The following CNOT4 variants were observed in gnomAD, a reference collection of about 807,000 sequenced individuals.
CNOT4 encodes CCR4-NOT transcription complex subunit 4.
Under a neutral mutation model 73.8 loss-of-function variants are expected in CNOT4, and 8 were observed. The ratio of observed to expected loss-of-function variants is 0.11; its 90% confidence interval spans 0.06 to 0.20. CNOT4 has a LOEUF of 0.20. Among genes scored for constraint, CNOT4 ranks in the 10% least tolerant of loss-of-function variants. The pLI is 1.00. For missense variants in CNOT4, 564 were observed against 883.4 expected (o/e 0.64, Z 4.58); for synonymous variants, 293 against 321.1 (o/e 0.91, Z 0.94).
At chr7:135,417,263 C>T (rs1191926813) in intron 3 of CNOT4, among the ~76,000 whole-genome samples, 1 of 152,098 alleles carries the variant, frequency 6.6e-6, no homozygotes, top group Admixed American at 6.6e-5. Context: ...AAGAGTTTGC[C>T]TAATAAGCTC....
intron 1 of CNOT4, among the ~76,000 whole-genome samples, chr7:135,474,712 T>C (rs1801885299): frequency 6.6e-6 from 1 of 152,172 alleles, no homozygotes; most frequent in South Asian, 2.1e-4. Context: ...CTATACAAAA[T>C]AACTGAAAAT....
At chr7:135,435,844 G>A (rs1289562823) in intron 2 of CNOT4, among the ~76,000 whole-genome samples, 1 of 152,150 alleles carries the variant, frequency 6.6e-6, no homozygotes, top group African/African-American at 2.4e-5. Flanking sequence ...CCTCCAGAAT[G>A]TTTCCATTAA....
intron 6 of CNOT4, among the ~76,000 whole-genome samples, chr7:135,411,299 A>ACATGGT (rs1479485690): frequency 6.6e-6 from 1 of 152,052 alleles, no homozygotes; most frequent in Non-Finnish European, 1.5e-5. Flanking sequence ...TTTTACTGGA[A>ACATGGT]CATGGTCATG....
rs559755903 is a variant in CNOT4, at chr7:135,362,293, T to A, written c.*592A>T. 40 of 157,142 alleles carry A rather than the reference T, an allele frequency of 2.5e-4. No homozygotes were observed. Among genetic ancestry groups the A allele is most frequent in the Non-Finnish European group, 4.2e-4 (30 of 71,032 alleles). The allele number at this position is 157,142 out of a possible 1,614,324, so 9.7% of individuals were successfully genotyped here. On this transcript the variant is annotated 3_prime_UTR_variant, in exon 12 of 12. Coordinates refer to ENST00000541284, the MANE Select transcript of CNOT4 (RefSeq NM_001190850.2). The stretch of plus-strand genomic sequence containing the variant: ...TACTACAGATGAATTTGTCTTTCCA[T>A]CAACTTCCAATACATTCTTTTGCTT...
At chr7:135,394,929 T>C (rs1190298121) in intron 9 of CNOT4, among the ~76,000 whole-genome samples, 2 of 152,158 alleles carry the variant, frequency 1.3e-5, no homozygotes, top group Non-Finnish European at 2.9e-5. Context: ...TATGCCACCT[T>C]TCATAGTAAT....
chr7:135,422,900 C>T (rs1302534965), intron 2 of CNOT4, among the ~76,000 whole-genome samples: 5 of 152,048 alleles, frequency 3.3e-5, no homozygotes, highest in Non-Finnish European at 4.4e-5. Context: ...CATTTTGATA[C>T]CATTTTCATT....
intron 9 of CNOT4, 62 bp downstream of exon 9, chr7:135,395,572 G>T: frequency 6.6e-7 from 1 of 1,515,536 alleles, no homozygotes; most frequent in Non-Finnish European, 8.9e-7. Flanking sequence ...TGAGTTTCAT[G>T]TTAGTCTGTC....
intron 7 of CNOT4, among the ~76,000 whole-genome samples, chr7:135,407,907 T>C (rs1797384278): frequency 6.6e-6 from 1 of 152,218 alleles, no homozygotes; most frequent in East Asian, 1.9e-4. Context: ...GATCAACTGA[T>C]TGGGGAAGTT....
At chr7:135,408,758 G>T (rs1264921325) in intron 7 of CNOT4, among the ~76,000 whole-genome samples, 1 of 152,108 alleles carries the variant, frequency 6.6e-6, no homozygotes, top group Non-Finnish European at 1.5e-5. Context: ...GCAGACATGG[G>T]GAGAACAGGC....
intron 1 of CNOT4, among the ~76,000 whole-genome samples, chr7:135,463,760 G>C (rs1801036174): frequency 6.6e-6 from 1 of 151,870 alleles, no homozygotes; most frequent in African/African-American, 2.4e-5. Context: ...TACAGAATGG[G>C]AGAAAATATT....
rs3138785 is a variant in CNOT4 at position 135,424,040 on chromosome 7, AACACACACACACACACACAC to A, written c.175-1707_175-1688del. On this transcript the variant is annotated intron_variant, in intron 2 of 11. Transcript: ENST00000541284. ...GCCACCAAAACAAACAAACAAACAAAACACACACACACACACACACACACACACACACACACACACACACA... is the reference window on the plus strand; with the variant it reads ...GCCACCAAAACAAACAAACAAACAAAACACACACACACACACACACACACA... 6.4e-3 allele frequency among the ~76,000 whole-genome samples: 924 copies of A among 144,258 alleles called. 9 individuals are homozygous for A. Among genetic ancestry groups the A allele is most frequent in the African/African-American group, 0.016 (641 of 39,064 alleles). The allele number at this position is 144,258 out of a possible 152,430, so 94.6% of individuals were successfully genotyped here.
Position 135,410,262 on chromosome 7 carries a change from G to T in CNOT4, c.821+253C>A, listed in dbSNP as rs138829436. 1.5e-4 allele frequency among the ~76,000 whole-genome samples: 23 copies of T among 152,058 alleles called. No homozygotes were observed. The East Asian group carries it at 4.2e-3, about 28-fold the overall frequency. The stretch of plus-strand genomic sequence containing the variant: ...TCTTTAATAAGGAAAGTATTCCCTG[G>T]GCTCAGAGTAGTCTGCAAATCACCA... On this transcript the variant is annotated intron_variant, in intron 7 of 11. Transcript: ENST00000541284.
intron 7 of CNOT4, among the ~76,000 whole-genome samples, chr7:135,407,591 A>G (rs1232671612): frequency 6.6e-6 from 1 of 152,226 alleles, no homozygotes; most frequent in African/African-American, 2.4e-5. Flanking sequence ...AAATAGAAAG[A>G]GGTGGTAGGA....
At chr7:135,421,701 T>C (rs1585618782) in intron 3 of CNOT4, among the ~76,000 whole-genome samples, 1 of 152,192 alleles carries the variant, frequency 6.6e-6, no homozygotes, top group East Asian at 1.9e-4. Context: ...AGTATAGTAA[T>C]AGTTCTGAAA....
chr7:135,364,190 A>C lies in CNOT4; in HGVS notation c.1628-124T>G. ...ATTCTTTCTTTATTGAGCATTTAAA[A>C]TGGGTTGTCCTAGCAAGATAAACTT... On this transcript the variant is annotated intron_variant, in intron 10 of 11. Coordinates refer to ENST00000541284, the MANE Select transcript of CNOT4 (RefSeq NM_001190850.2). The surrounding 1 kb of genome is among the most constrained non-coding windows in gnomAD (Gnocchi z 4.3). 1 of 788,350 alleles carries C rather than the reference A, an allele frequency of 1.3e-6. No individual in the cohort carries two copies. The highest frequency in any genetic ancestry group is 2.0e-6 in the Non-Finnish European group (1 of 499,212). 48.8% of individuals were successfully genotyped at this position (788,350 alleles called of 1,614,324 possible).
intron 10 of CNOT4, chr7:135,388,659 C>T (rs1563019119): frequency 7.5e-7 from 1 of 1,339,522 alleles, no homozygotes; most frequent in Non-Finnish European, 9.7e-7. Flanking sequence ...AACACGCTAG[C>T]TGTAGGCATG....
chr7:135,441,181 C>T (rs1005983158), intron 1 of CNOT4, among the ~76,000 whole-genome samples: 3 of 151,640 alleles, frequency 2.0e-5, no homozygotes, highest in Non-Finnish European at 4.4e-5. Context: ...AAAGACAAAA[C>T]GGAGGTAGGA....
chr7:135,491,276 C>A (rs891640834), intron 1 of CNOT4, among the ~76,000 whole-genome samples: 3 of 152,018 alleles, frequency 2.0e-5, no homozygotes, highest in African/African-American at 7.3e-5. Flanking sequence ...ACCAAACTAA[C>A]AGAGATTGCT....
At chr7:135,366,361 T>C (rs554511580) in intron 10 of CNOT4, among the ~76,000 whole-genome samples, 1 of 152,326 alleles carries the variant, frequency 6.6e-6, no homozygotes, top group South Asian at 2.1e-4. Context: ...TATATGACAA[T>C]TCTCCGTACT....
Sources: allele counts gnomAD v4.1 joint callset (sites outside exome capture counted in the v4.1 genomes callset), GRCh38; gene constraint gnomAD v4.1.1; non-coding constraint Gnocchi (gnomAD v3.1); transcripts MANE v1.5; gene names NCBI Gene and HGNC (gene_info 2026-07-23, HGNC 2026-07-21).